LHPP: variants seen among roughly 807,000 people sequenced by gnomAD.
The protein encoded by LHPP is phospholysine phosphohistidine inorganic pyrophosphate phosphatase, also known as hLHPP.
A neutral mutation model predicts 30.3 loss-of-function variants in LHPP; 24 were observed. The observed-to-expected ratio is 0.79, with a 90% CI of 0.57 to 1.11. The LOEUF (loss-of-function observed/expected upper bound fraction) is 1.11, where lower values mean the gene tolerates loss of function less well. Among genes scored for constraint, LHPP ranks in the 50% most tolerant of loss-of-function variants. LHPP has a pLI of 0.00. For missense variants in LHPP, 356 were observed against 367.2 expected, an observed-to-expected ratio of 0.97 and a Z score of 0.25; for synonymous variants, 150 against 157.1, an observed-to-expected ratio of 0.95 and a Z score of 0.34.
Position 124,569,140 on chromosome 10 carries a change from G to C in LHPP, c.717-44124G>C, listed in dbSNP as rs565378907. Among the ~76,000 whole-genome samples, 6 of 152,304 alleles carry C rather than the reference G, an allele frequency of 3.9e-5. No homozygotes were observed. In the South Asian group the frequency reaches 1.2e-3, roughly 32 times the overall value. On this transcript the variant is annotated intron_variant, in intron 6 of 6. Coordinates refer to ENST00000368842, the MANE Select transcript of LHPP (RefSeq NM_022126.4). Reference sequence around the variant, plus strand: ...CTGCCTGGGTGGGGCTCATTCCTGCGGGTAAGGCCCGGGATCAGGAATGGC... The same window carrying C: ...CTGCCTGGGTGGGGCTCATTCCTGCCGGTAAGGCCCGGGATCAGGAATGGC...
At position 124,593,780 on chromosome 10, in the gene LHPP, C is replaced by G. The variant is rs1948910094; in HGVS notation, c.717-19484C>G. 6.6e-6 allele frequency among the ~76,000 whole-genome samples: 1 copy of G among 152,256 alleles called. No homozygotes were observed. The highest frequency in any genetic ancestry group is 2.4e-5 in the African/African-American group (1 of 41,466). On this transcript the variant is annotated intron_variant, in intron 6 of 6. Transcript: ENST00000368842. This position sits in a 1 kb window ranked among gnomAD's most constrained non-coding sequence, Gnocchi z 4.9. Reference sequence around the variant, plus strand: ...TTTGACGCAGGAGGTTTTGCCGGCGCCAGGGGCTCCCTCGGCTGACCGAGG... The same window carrying G: ...TTTGACGCAGGAGGTTTTGCCGGCGGCAGGGGCTCCCTCGGCTGACCGAGG...
Position 124,461,935 on chromosome 10 carries a change from A to AGCGGCGCGGGCG in LHPP, c.79_90dup (p.Ala27_Gly30dup). 8.0e-7 allele frequency: 1 copy of AGCGGCGCGGGCG among 1,244,210 alleles called. No homozygotes were observed. The highest frequency in any genetic ancestry group is 1.0e-6 in the Non-Finnish European group (1 of 990,128). The allele number at this position is 1,244,210 out of a possible 1,614,324, so 77.1% of individuals were successfully genotyped here. A position where few individuals can be genotyped will look rare whatever the true frequency, so the allele number is the denominator to read the frequency against. ...TGACATCTCGGGCGTGCTGTACGAC[A>AGCGGCGCGGGCG]GCGGCGCGGGCGGCGGCACGGCCAT... is the stretch of plus-strand genomic sequence containing the variant. On this transcript the variant is annotated inframe_insertion, in exon 1 of 7. Transcript: ENST00000368842.
intron 6 of LHPP, among the ~76,000 whole-genome samples, chr10:124,579,054 C>T (rs886094789): frequency 6.6e-6 from 1 of 152,256 alleles, no homozygotes; most frequent in African/African-American, 2.4e-5. Flanking sequence ...CACTGGGTCT[C>T]CCCGTCGAAG....
chr10:124,567,577 C>T (rs908949856), intron 6 of LHPP, among the ~76,000 whole-genome samples: 9 of 152,208 alleles, frequency 5.9e-5, no homozygotes, highest in East Asian at 1.9e-4. Flanking sequence ...TTAATATCCC[C>T]GAGTAACCAC....
Position 124,576,039 on chromosome 10 carries a change from C to T in LHPP, c.717-37225C>T, listed in dbSNP as rs373311040. On this transcript the variant is annotated intron_variant, in intron 6 of 6. Transcript: ENST00000368842. This position sits in a 1 kb window ranked among gnomAD's most constrained non-coding sequence, Gnocchi z 4.2. Reference sequence around the variant, plus strand: ...AGTGCTTCATGAGAAAGGTATGAGCCGAAAGAAATGGGGGTTCCCACTGGA... The same window carrying T: ...AGTGCTTCATGAGAAAGGTATGAGCTGAAAGAAATGGGGGTTCCCACTGGA... 2.6e-5 allele frequency among the ~76,000 whole-genome samples: 4 copies of T among 152,060 alleles called. No individual in the cohort carries two copies. The highest frequency in any genetic ancestry group is 2.1e-4 in the South Asian group (1 of 4,828).
intron 6 of LHPP, among the ~76,000 whole-genome samples, chr10:124,601,276 G>A (rs139171363): frequency 2.2e-4 from 33 of 152,334 alleles, no homozygotes; most frequent in African/African-American, 4.6e-4. Context: ...CGCGTCACAC[G>A]CTGCAGCGCA....
chr10:124,486,409 A>G (rs551431260), intron 2 of LHPP, among the ~76,000 whole-genome samples: 2 of 152,334 alleles, frequency 1.3e-5, no homozygotes, highest in South Asian at 4.1e-4. Context: ...AGGCTGAATG[A>G]TTCATTAGCA....
intron 6 of LHPP, among the ~76,000 whole-genome samples, chr10:124,561,535 C>A (rs572776688): frequency 3.9e-5 from 6 of 152,004 alleles, no homozygotes; most frequent in South Asian, 2.1e-4. Flanking sequence ...CCGCCCCCCC[C>A]ACAACAGTGA....
At chr10:124,481,761 T>A (rs539429020) in intron 1 of LHPP, among the ~76,000 whole-genome samples, 2 of 152,276 alleles carry the variant, frequency 1.3e-5, no homozygotes, top group Admixed American at 1.3e-4. Flanking sequence ...GCTCGAGTTC[T>A]TTCTATCCGA....
At chr10:124,549,924 G>A (rs531047719) in intron 6 of LHPP, among the ~76,000 whole-genome samples, 30 of 152,378 alleles carry the variant, frequency 2.0e-4, no homozygotes, top group South Asian at 4.1e-4. Flanking sequence ...AAATGAAGTC[G>A]TGTCTGTGAA....
intron 2 of LHPP, among the ~76,000 whole-genome samples, chr10:124,485,763 C>A (rs1000003941): frequency 2.0e-5 from 3 of 151,886 alleles, no homozygotes; most frequent in Non-Finnish European, 4.4e-5. Flanking sequence ...ACCACGCCCG[C>A]CTAATTTTTG....
At chr10:124,587,765 A>AAAAAC (rs1948824818) in intron 6 of LHPP, among the ~76,000 whole-genome samples, 1 of 140,998 alleles carries the variant, frequency 7.1e-6, no homozygotes, top group African/African-American at 2.7e-5. Flanking sequence ...AAAAAAAAAA[A>AAAAAC]CCAAAAAAAC....
Position 124,506,716 on chromosome 10 carries a change from A to G in LHPP, c.624+8588A>G, listed in dbSNP as rs1470853866. On this transcript the variant is annotated intron_variant, in intron 5 of 6. Transcript: ENST00000368842. The stretch of plus-strand genomic sequence containing the variant: ...AGGTTGGCGGGTAGGGAAGATTTCA[A>G]GTGGGGTGGGTAAGGAGGATTTCAG... 1.2e-3 allele frequency among the ~76,000 whole-genome samples: 37 copies of G among 31,154 alleles called. 1 individual carries two copies. The highest frequency in any genetic ancestry group is 3.0e-3 in the South Asian group (1 of 338). The allele number at this position is 31,154 out of a possible 152,430, so 20.4% of individuals were successfully genotyped here. A position where few individuals can be genotyped will look rare whatever the true frequency, so the allele number is the denominator to read the frequency against.
intron 1 of LHPP, among the ~76,000 whole-genome samples, chr10:124,474,604 AC>A (rs1473765473): frequency 6.6e-6 from 1 of 152,008 alleles, no homozygotes; most frequent in Non-Finnish European, 1.5e-5. Context: ...ACCCCTCCAA[AC>A]CACAGGTCCC....
chr10:124,505,570 G>A (rs999220640), intron 5 of LHPP, among the ~76,000 whole-genome samples: 1 of 152,168 alleles, frequency 6.6e-6, no homozygotes, highest in Non-Finnish European at 1.5e-5. Flanking sequence ...CTAATAGATT[G>A]GAAATTCAAA....
intron 5 of LHPP, among the ~76,000 whole-genome samples, chr10:124,501,619 A>G (rs1301286810): frequency 1.3e-5 from 2 of 150,320 alleles, no homozygotes; most frequent in Non-Finnish European, 2.9e-5. Context: ...AAAAAAAAAA[A>G]AAGAAAAATA....
intron 6 of LHPP, among the ~76,000 whole-genome samples, chr10:124,546,629 C>T (rs1004865360): frequency 6.6e-6 from 1 of 151,958 alleles, no homozygotes; most frequent in African/African-American, 2.4e-5. Context: ...CCAGGATGGT[C>T]TTGATCTCCT....
chr10:124,582,843 C>T (rs7923489), intron 6 of LHPP, among the ~76,000 whole-genome samples: 4 of 120,308 alleles, frequency 3.3e-5, no homozygotes, highest in African/African-American at 8.5e-5. Context: ...TGTCTCTATT[C>T]AAAAAAAAAA....
intron 3 of LHPP, among the ~76,000 whole-genome samples, chr10:124,495,691 G>A (rs1340630447): frequency 6.6e-6 from 1 of 152,132 alleles, no homozygotes; most frequent in Non-Finnish European, 1.5e-5. Context: ...AATTGAACAG[G>A]GCTGTGTTCA....
Sources: gnomAD v4.1 joint callset for allele counts (sites outside exome capture counted in the v4.1 genomes callset) on GRCh38, gnomAD v4.1.1 for gene constraint, Gnocchi (gnomAD v3.1) non-coding constraint, MANE v1.5 for transcripts, NCBI Gene and HGNC (gene_info 2026-07-23, HGNC 2026-07-21) for gene names.